CATSPERE: variants seen among roughly 807,000 people sequenced by gnomAD.
The protein encoded by CATSPERE is cation channel sperm-associated auxiliary subunit epsilon.
In CATSPERE, 93 loss-of-function variants were observed where a neutral mutation model predicts 114.1. The observed-to-expected ratio is 0.81, with a 90% CI of 0.69 to 0.97. CATSPERE has a LOEUF of 0.97. CATSPERE is among the 50% of genes least tolerant of loss of function. CATSPERE has a pLI of 0.00. For synonymous variants in CATSPERE, 341 were observed against 384.1 expected (o/e 0.89, Z 1.31); for missense variants, 1,058 against 1,131.6 (o/e 0.93, Z 0.93).
At chr1:244,454,837 C>CTA (rs1665985648) in intron 1 of CATSPERE, among the ~76,000 whole-genome samples, 1 of 152,042 alleles carries the variant, frequency 6.6e-6, no homozygotes, top group Non-Finnish European at 1.5e-5. Context: ...TTTAGGACCC[C>CTA]TATAAGCCTG....
At chr1:244,585,750 G>A (rs752216183) in intron 13 of CATSPERE, among the ~76,000 whole-genome samples, 2 of 152,224 alleles carry the variant, frequency 1.3e-5, no homozygotes, top group Non-Finnish European at 2.9e-5. Context: ...TTGAATAGGA[G>A]CCTGTTGTCT....
At chr1:244,578,864 A>G (rs1247101243) in intron 11 of CATSPERE, among the ~76,000 whole-genome samples, 1 of 148,224 alleles carries the variant, frequency 6.7e-6, no homozygotes, top group Non-Finnish European at 1.5e-5. Flanking sequence ...ACAGGTACAT[A>G]TCAATCATTT....
chr1:244,618,226 C>T (rs575109014), intron 20 of CATSPERE, among the ~76,000 whole-genome samples: 3 of 152,130 alleles, frequency 2.0e-5, no homozygotes, highest in Admixed American at 1.3e-4. Flanking sequence ...AGAAATCACA[C>T]TAATAACGGA....
intron 5 of CATSPERE, among the ~76,000 whole-genome samples, chr1:244,480,627 A>AGTCGCAGCTACAG (rs374505578): frequency 6.6e-6 from 1 of 151,680 alleles, no homozygotes; most frequent in Non-Finnish European, 1.5e-5. Flanking sequence ...TCTTCAGTAA[A>AGTCGCAGCTACAG]GCATGGTTGT....
chr1:244,485,482 A>G (rs1017155474), intron 5 of CATSPERE, among the ~76,000 whole-genome samples: 1 of 151,982 alleles, frequency 6.6e-6, no homozygotes, highest in African/African-American at 2.4e-5. Context: ...TGCCTGGCCT[A>G]TCTTTTTAAA....
intron 8 of CATSPERE, among the ~76,000 whole-genome samples, chr1:244,535,837 G>A (rs1437036623): frequency 2.6e-5 from 4 of 152,074 alleles, no homozygotes; most frequent in African/African-American, 9.7e-5. Flanking sequence ...TCAAGCAGAA[G>A]GAGTCTCTCT....
intron 21 of CATSPERE, among the ~76,000 whole-genome samples, chr1:244,637,981 A>G (rs10754840): frequency 0.62 from 95,026 of 152,072 alleles, 30,814 homozygotes; most frequent in Middle Eastern, 0.77. Context: ...TCCTTTTTAA[A>G]TATAATTCTT....
At chr1:244,577,797 A>T (rs919902107) in intron 11 of CATSPERE, among the ~76,000 whole-genome samples, 1 of 152,236 alleles carries the variant, frequency 6.6e-6, no homozygotes, top group Non-Finnish European at 1.5e-5. Flanking sequence ...TCAGTGTAAT[A>T]ACATTTATGA....
rs114559700 is a variant in CATSPERE at position 244,640,138 on chromosome 1, A to G, written c.*57A>G. On this transcript the variant is annotated 3_prime_UTR_variant, in exon 22 of 22. Transcript: ENST00000366534. ...TGCATATAGAGAAACAGTGTATTAC[A>G]TAGTGATATTGAGAGTGTGTGTTTG... The G allele has an allele frequency of 0.014, 19,336 of 1,352,088 alleles. 283 individuals carry two copies. Among genetic ancestry groups the G allele is most frequent in the South Asian group, 0.051 (3,900 of 76,170 alleles). 83.8% of individuals were successfully genotyped at this position (1,352,088 alleles called of 1,614,324 possible). A position where few individuals can be genotyped will look rare whatever the true frequency, so the allele number is the denominator to read the frequency against.
At chr1:244,597,762 T>C (rs1340419362) in intron 17 of CATSPERE, among the ~76,000 whole-genome samples, 2 of 152,090 alleles carry the variant, frequency 1.3e-5, no homozygotes, top group African/African-American at 4.8e-5. Flanking sequence ...TAGTCAAGAG[T>C]CTGAAAGTAA....
rs767871568 is a variant in CATSPERE, at chr1:244,583,849, A to C, written c.2010-15A>C. ...CTCACATGATACAATAACCTGTACG[A>C]ATTGTTTCTCCTAGAGACAAGCACA... On this transcript the variant is annotated splice_polypyrimidine_tract_variant and intron_variant, in intron 12 of 21. Transcript: ENST00000366534. 6.2e-7 allele frequency: 1 copy of C among 1,611,436 alleles called. No homozygotes were observed. Among genetic ancestry groups the C allele is most frequent in the African/African-American group, 1.3e-5 (1 of 74,808 alleles).
intron 20 of CATSPERE, among the ~76,000 whole-genome samples, chr1:244,623,952 G>C (rs1672729432): frequency 6.6e-6 from 1 of 151,908 alleles, no homozygotes; most frequent in Admixed American, 6.6e-5. Context: ...CTGATGGCTG[G>C]GGTGGCTGTG....
At chr1:244,588,126 G>A (rs985662473) in intron 13 of CATSPERE, among the ~76,000 whole-genome samples, 2 of 150,942 alleles carry the variant, frequency 1.3e-5, no homozygotes, top group East Asian at 1.9e-4. Context: ...CTCGGGTGGC[G>A]TAGGTTGCAG....
chr1:244,476,266 C>T (rs1439849319), intron 2 of CATSPERE, among the ~76,000 whole-genome samples: 1 of 152,012 alleles, frequency 6.6e-6, no homozygotes, highest in Non-Finnish European at 1.5e-5. Flanking sequence ...ACAGTGAGAT[C>T]CTGTCTCTAT....
At chr1:244,604,955 C>A (rs1450507471) in intron 17 of CATSPERE, among the ~76,000 whole-genome samples, 1 of 152,192 alleles carries the variant, frequency 6.6e-6, no homozygotes, top group African/African-American at 2.4e-5. Flanking sequence ...ATCTTGCACT[C>A]CCCTTGCTGG....
At chr1:244,482,928 AATTGAATC>A (rs2148178062) in intron 5 of CATSPERE, among the ~76,000 whole-genome samples, 1 of 152,302 alleles carries the variant, frequency 6.6e-6, no homozygotes, top group African/African-American at 2.4e-5. Flanking sequence ...ACATTGTTTA[AATTGAATC>A]ATATGATAAG....
chr1:244,590,040 G>T (rs1362448872), intron 14 of CATSPERE, among the ~76,000 whole-genome samples: 2 of 152,180 alleles, frequency 1.3e-5, no homozygotes, highest in East Asian at 3.9e-4. Flanking sequence ...CAATGAAGGA[G>T]AGTTGTCAAC....
chr1:244,487,234 C>A (rs1017840586), intron 5 of CATSPERE, among the ~76,000 whole-genome samples: 4 of 152,012 alleles, frequency 2.6e-5, no homozygotes, highest in African/African-American at 9.7e-5. Context: ...TCGTAATCAC[C>A]TGGTGGGTGG....
chr1:244,587,315 T>A (rs4391652), intron 13 of CATSPERE, among the ~76,000 whole-genome samples: 27,095 of 152,172 alleles, frequency 0.18, 3,391 homozygotes, highest in East Asian at 0.39. Context: ...TAGAGGTACA[T>A]TTGGGGATAG....
Sources: allele counts gnomAD v4.1 joint callset (sites outside exome capture counted in the v4.1 genomes callset), GRCh38; gene constraint gnomAD v4.1.1; transcripts MANE v1.5; gene names NCBI Gene and HGNC (gene_info 2026-07-23, HGNC 2026-07-21).